ST7: variants seen among roughly 807,000 people sequenced by gnomAD.
The protein encoded by ST7 is suppressor of tumorigenicity 7 protein.
Under a neutral mutation model 78.7 loss-of-function variants are expected in ST7, and 28 were observed. The ratio of observed to expected loss-of-function variants is 0.36; its 90% CI spans 0.26 to 0.49. The LOEUF is 0.49. ST7 is among the 20% of genes least tolerant of loss of function. ST7 has a pLI of 0.99. For synonymous variants in ST7, 247 were observed against 249.6 expected (o/e 0.99, Z 0.10); for missense variants, 418 against 696.0 (o/e 0.60, Z 4.49).
chr7:117,153,471 G>A (rs1167409737), intron 9 of ST7, among the ~76,000 whole-genome samples: 1 of 152,120 alleles, frequency 6.6e-6, no homozygotes, highest in Non-Finnish European at 1.5e-5. Flanking sequence ...AGGGAGAAGT[G>A]CAGGATCAAT....
At chr7:117,196,445 G>A (rs1451866415) in intron 12 of ST7, among the ~76,000 whole-genome samples, 1 of 152,138 alleles carries the variant, frequency 6.6e-6, no homozygotes. Flanking sequence ...TTATTTTGTT[G>A]AGAGTGGCCA....
At chr7:117,108,419 C>G (rs1480465147) in intron 2 of ST7, among the ~76,000 whole-genome samples, 2 of 152,104 alleles carry the variant, frequency 1.3e-5, no homozygotes, top group Non-Finnish European at 2.9e-5. Context: ...GGCTTTATTT[C>G]TGGGTTCTTC....
intron 9 of ST7, among the ~76,000 whole-genome samples, chr7:117,160,297 C>A (rs1042312461): frequency 6.6e-6 from 1 of 151,434 alleles, no homozygotes; most frequent in Non-Finnish European, 1.5e-5. Flanking sequence ...TCAAATAGCC[C>A]TTTGAAAATG....
chr7:117,135,550 CT>C (rs1439659795), intron 7 of ST7, among the ~76,000 whole-genome samples: 2 of 151,890 alleles, frequency 1.3e-5, no homozygotes, highest in East Asian at 1.9e-4. Flanking sequence ...ATTTCTTATT[CT>C]GAAGAAATCC....
At chr7:117,178,982 G>GT (rs952150451) in intron 10 of ST7, among the ~76,000 whole-genome samples, 1 of 152,000 alleles carries the variant, frequency 6.6e-6, no homozygotes, top group Non-Finnish European at 1.5e-5. Flanking sequence ...GGTTTTCTTT[G>GT]TTTTTTCTAC....
chr7:117,133,819 T>C (rs1804562986), intron 6 of ST7, among the ~76,000 whole-genome samples: 1 of 151,896 alleles, frequency 6.6e-6, no homozygotes, highest in African/African-American at 2.4e-5. Flanking sequence ...AATATGTCCT[T>C]TAAAAATCTG....
At chr7:117,043,577 A>G (rs905210791) in intron 1 of ST7, among the ~76,000 whole-genome samples, 21 of 152,212 alleles carry the variant, frequency 1.4e-4, no homozygotes, top group African/African-American at 5.1e-4. Flanking sequence ...GGAGTTTCCT[A>G]TATTGTTTAA....
At chr7:117,026,570 C>T (rs1407106050) in intron 1 of ST7, among the ~76,000 whole-genome samples, 1 of 152,148 alleles carries the variant, frequency 6.6e-6, no homozygotes, top group Non-Finnish European at 1.5e-5. Flanking sequence ...CAATTTAATG[C>T]ATGTTTAGAA....
chr7:117,173,439 T>C (rs904697299), intron 10 of ST7: 6 of 152,230 alleles, frequency 3.9e-5, no homozygotes, highest in African/African-American at 1.2e-4. Context: ...CCACTGAAGA[T>C]TGTGGAAAAA....
intron 2 of ST7, among the ~76,000 whole-genome samples, chr7:117,115,469 C>T (rs904282301): frequency 6.6e-6 from 1 of 151,850 alleles, no homozygotes; most frequent in Non-Finnish European, 1.5e-5. Context: ...ATTCTGCTGC[C>T]TCAGCCACCC....
intron 1 of ST7, among the ~76,000 whole-genome samples, chr7:116,998,214 C>T (rs1020765388): frequency 2.6e-5 from 4 of 152,204 alleles, no homozygotes; most frequent in African/African-American, 9.7e-5. Context: ...GGGGACCCGG[C>T]GCACCCTCTG....
At chr7:117,214,675 C>T (rs961775492) in intron 13 of ST7, among the ~76,000 whole-genome samples, 1 of 151,688 alleles carries the variant, frequency 6.6e-6, no homozygotes, top group African/African-American at 2.4e-5. Context: ...ATGATGGTTC[C>T]CCACCTACTG....
chr7:117,223,359 G>A (rs970825885), intron 15 of ST7: 4 of 194,116 alleles, frequency 2.1e-5, no homozygotes, highest in Non-Finnish European at 4.2e-5. Flanking sequence ...ATGTGAGCAT[G>A]TCACTTCCCT....
intron 13 of ST7, among the ~76,000 whole-genome samples, chr7:117,217,580 C>G (rs1792788923): frequency 6.6e-6 from 1 of 152,160 alleles, no homozygotes; most frequent in South Asian, 2.1e-4. Context: ...ACAACCTGTG[C>G]AAAGAACTCC....
At chr7:117,006,503 C>T (rs1299556434) in intron 1 of ST7, among the ~76,000 whole-genome samples, 1 of 152,220 alleles carries the variant, frequency 6.6e-6, no homozygotes, top group Admixed American at 6.5e-5. Context: ...TTTTTATTCA[C>T]AATTAAAATT....
At chr7:117,147,681 T>A (rs901792578) in intron 9 of ST7, among the ~76,000 whole-genome samples, 1 of 152,166 alleles carries the variant, frequency 6.6e-6, no homozygotes, top group African/African-American at 2.4e-5. Flanking sequence ...TTTCCTCAAC[T>A]TTTTTGTTTT....
chr7:117,066,659 G>A (rs1798648671), intron 1 of ST7, among the ~76,000 whole-genome samples: 1 of 151,558 alleles, frequency 6.6e-6, no homozygotes, highest in South Asian at 2.1e-4. Flanking sequence ...TACTCGGGAG[G>A]CTGAGGCAGG....
chr7:117,204,611 C>G (rs537761287), intron 12 of ST7, among the ~76,000 whole-genome samples: 1 of 152,188 alleles, frequency 6.6e-6, no homozygotes, highest in Admixed American at 6.5e-5. Context: ...CTTACTGATT[C>G]CAGGGAGTAA....
intron 1 of ST7, among the ~76,000 whole-genome samples, chr7:117,065,867 C>T (rs925385289): frequency 5.9e-5 from 9 of 152,188 alleles, no homozygotes; most frequent in Non-Finnish European, 1.3e-4. Flanking sequence ...AGACCCAGCA[C>T]GTTCTGGCTC....
Sources: gnomAD v4.1 joint callset for allele counts (sites outside exome capture counted in the v4.1 genomes callset) on GRCh38, gnomAD v4.1.1 for gene constraint, MANE v1.5 for transcripts, NCBI Gene and HGNC (gene_info 2026-07-23, HGNC 2026-07-21) for gene names.